CCM2: variants seen among roughly 807,000 people sequenced by gnomAD.
CCM2 encodes cerebral cavernous malformations 2 protein.
CCM2 carries 25 observed loss-of-function variants against 44.9 expected under a neutral mutation model. The ratio of observed to expected loss-of-function variants is 0.56; its 90% CI spans 0.41 to 0.78. The LOEUF (loss-of-function observed/expected upper bound fraction) is 0.78. Ranked by LOEUF, CCM2 falls within the 30% of genes least tolerant of loss-of-function variation. The pLI, the probability that CCM2 is intolerant of heterozygous loss-of-function variation, is 0.00. For synonymous variants in CCM2, 219 were observed against 241.1 expected (o/e 0.91, Z 0.85); for missense variants, 481 against 580.6 (o/e 0.83, Z 1.76).
At chr7:45,061,456 CT>C (rs57140747) in intron 2 of CCM2, among the ~76,000 whole-genome samples, 15,409 of 122,180 alleles carry the variant, frequency 0.13, 541 homozygotes, top group Middle Eastern at 0.18. Flanking sequence ...TTCTTTCTTT[CT>C]TTTTTTTTTT....
At chr7:45,051,205 C>T (rs1797984886) in intron 2 of CCM2, among the ~76,000 whole-genome samples, 1 of 152,278 alleles carries the variant, frequency 6.6e-6, no homozygotes, top group East Asian at 1.9e-4. Context: ...AGATGAACTA[C>T]AGCCCTGACT....
chr7:45,012,600 G>C (rs1796111132), intron 1 of CCM2, among the ~76,000 whole-genome samples: 1 of 151,900 alleles, frequency 6.6e-6, no homozygotes, highest in Admixed American at 6.6e-5. Context: ...CTGTCGCCGA[G>C]GCTGGAGAGC....
chr7:45,055,687 C>CA (rs1420311496), intron 2 of CCM2, among the ~76,000 whole-genome samples: 1 of 151,616 alleles, frequency 6.6e-6, no homozygotes, highest in Non-Finnish European at 1.5e-5. Context: ...GACTCCATCT[C>CA]AAAAAAAAGA....
intron 1 of CCM2, among the ~76,000 whole-genome samples, chr7:45,019,395 G>A (rs571479532): frequency 2.0e-5 from 3 of 152,252 alleles, no homozygotes; most frequent in Non-Finnish European, 4.4e-5. Flanking sequence ...TGGTAGATCA[G>A]TTTTGATCTT....
chr7:45,041,555 C>T (rs543742110), intron 2 of CCM2, among the ~76,000 whole-genome samples: 6 of 152,290 alleles, frequency 3.9e-5, no homozygotes, highest in Admixed American at 2.0e-4. Flanking sequence ...AACCCCCTGC[C>T]AAAGCCAGCT....
intron 2 of CCM2, among the ~76,000 whole-genome samples, chr7:45,058,115 T>C (rs1329924786): frequency 6.6e-6 from 1 of 152,240 alleles, no homozygotes; most frequent in African/African-American, 2.4e-5. Flanking sequence ...ACCTCCTTGC[T>C]TGGTTCCCAG....
chr7:45,001,144 A>C (rs1055828199), intron 1 of CCM2, among the ~76,000 whole-genome samples: 3 of 152,072 alleles, frequency 2.0e-5, no homozygotes, highest in Non-Finnish European at 2.9e-5. Flanking sequence ...ATAATTCCTA[A>C]CTATGATTTT....
intron 2 of CCM2, among the ~76,000 whole-genome samples, chr7:45,047,403 G>A (rs10235394): frequency 0.13 from 20,283 of 152,234 alleles, 1,651 homozygotes; most frequent in Middle Eastern, 0.22. Flanking sequence ...TGGGCATGGT[G>A]GCACCTGCCT....
rs1293044103 is a variant in CCM2, at chr7:45,076,321, G to A, written c.*264G>A. On this transcript the variant is annotated 3_prime_UTR_variant, in exon 10 of 10. Transcript: ENST00000258781. ...TGCAGTGTGTCCCCGCTCGGGGAGG[G>A]CCCGGCCGAGCGGGCAGGGAGAGCC... 1 of 646,548 alleles carries A rather than the reference G, an allele frequency of 1.5e-6. No individual in the cohort carries two copies. The highest frequency in any genetic ancestry group is 2.8e-6 in the Non-Finnish European group (1 of 350,902). 40.1% of individuals were successfully genotyped at this position (646,548 alleles called of 1,614,324 possible).
intron 1 of CCM2, among the ~76,000 whole-genome samples, chr7:45,025,466 A>G (rs977703955): frequency 6.6e-6 from 1 of 150,814 alleles, no homozygotes; most frequent in Admixed American, 6.6e-5. Context: ...TATTCTACGA[A>G]TTTTTTATTT....
intron 1 of CCM2, among the ~76,000 whole-genome samples, chr7:45,009,742 A>G (rs1045269020): frequency 6.6e-6 from 1 of 152,058 alleles, no homozygotes; most frequent in African/African-American, 2.4e-5. Flanking sequence ...GCATTTGTTT[A>G]TCACTGTACC....
intron 2 of CCM2, among the ~76,000 whole-genome samples, chr7:45,059,585 C>CA (rs1229904151): frequency 1.1e-4 from 16 of 151,804 alleles, no homozygotes; most frequent in Non-Finnish European, 1.8e-4. Context: ...TCTGTCTCTA[C>CA]AAAAAATACA....
chr7:45,073,592 C>G (rs758394270), intron 8 of CCM2, 21 bp downstream of exon 8: 1 of 1,544,594 alleles, frequency 6.5e-7, no homozygotes, highest in African/African-American at 1.4e-5. Flanking sequence ...GCTGCAGGGA[C>G]GCTGGGCTGC....
chr7:45,042,813 TA>T (rs146857506), intron 2 of CCM2, among the ~76,000 whole-genome samples: 4,777 of 152,032 alleles, frequency 0.031, 262 homozygotes, highest in African/African-American at 0.11. Context: ...AAACTCCCAT[TA>T]AAAAAAGTCT....
rs556686480 is a variant in CCM2 at position 45,055,368 on chromosome 7, A to G, written c.205-8550A>G. 3.9e-5 allele frequency among the ~76,000 whole-genome samples: 6 copies of G among 152,298 alleles called. No homozygotes were observed. The East Asian group carries it at 1.2e-3, about 29-fold the overall frequency. On this transcript the variant is annotated intron_variant, in intron 2 of 9. Transcript: ENST00000258781. Reference sequence around the variant, plus strand: ...AATTGAATAAAGCTAATTAGATGAAATTTTTTATTGTAGTAAAATATACAT... The same window carrying G: ...AATTGAATAAAGCTAATTAGATGAAGTTTTTTATTGTAGTAAAATATACAT...
chr7:45,051,195 A>G (rs115219669), intron 2 of CCM2, among the ~76,000 whole-genome samples: 3 of 152,170 alleles, frequency 2.0e-5, no homozygotes, highest in Non-Finnish European at 4.4e-5. Context: ...AAACCTTTCC[A>G]GATGAACTAC....
rs368414471 is a variant in CCM2 at position 45,039,716 on chromosome 7, A to G, written c.204+1290A>G. On this transcript the variant is annotated intron_variant, in intron 2 of 9. Transcript: ENST00000258781. The stretch of plus-strand genomic sequence containing the variant: ...ACTTTTAAATAAAAAGGTGAGAGGA[A>G]GAGCTTCTGGAATTAAAACTGTTAA... Among the ~76,000 whole-genome samples, 53 of 152,310 alleles carry G rather than the reference A, an allele frequency of 3.5e-4. No individual in the cohort carries two copies. The East Asian group carries it at 9.3e-3, about 27-fold the overall frequency.
chr7:45,049,736 C>T (rs113369035), intron 2 of CCM2, among the ~76,000 whole-genome samples: 2,833 of 152,092 alleles, frequency 0.019, 50 homozygotes, highest in Non-Finnish European at 0.023. Context: ...TTCCAAATTG[C>T]TCTTCATAAA....
chr7:45,007,524 C>G (rs911914495), intron 1 of CCM2, among the ~76,000 whole-genome samples: 1 of 152,034 alleles, frequency 6.6e-6, no homozygotes, highest in Non-Finnish European at 1.5e-5. Flanking sequence ...TTTCCTTAGC[C>G]TTGTGTCTGT....
Sources: allele counts gnomAD v4.1 joint callset (sites outside exome capture counted in the v4.1 genomes callset), GRCh38; gene constraint gnomAD v4.1.1; transcripts MANE v1.5; gene names NCBI Gene and HGNC (gene_info 2026-07-23, HGNC 2026-07-21).